Variants in BMPER observed in about 807,000 individuals in gnomAD.
BMPER encodes BMP-binding endothelial regulator protein.
In BMPER, 45 loss-of-function variants were observed where a neutral mutation model predicts 87.3. The ratio of observed to expected loss-of-function variants is 0.52; its 90% CI spans 0.41 to 0.66. The LOEUF is 0.66. Ranked by LOEUF, BMPER falls within the 30% of genes least tolerant of loss-of-function variation. The pLI is 0.00. For synonymous variants in BMPER, 326 were observed against 316.2 expected, an observed-to-expected ratio of 1.03 and a Z score of -0.33; for missense variants, 784 against 867.5, an observed-to-expected ratio of 0.90 and a Z score of 1.21.
intron 6 of BMPER, among the ~76,000 whole-genome samples, chr7:33,992,101 G>A (rs1479497803): frequency 1.3e-5 from 2 of 152,018 alleles, no homozygotes; most frequent in Non-Finnish European, 2.9e-5. Context: ...CTGTTGATTT[G>A]GGGTGGAGAG....
chr7:34,088,392 T>C (rs937961978), intron 13 of BMPER, among the ~76,000 whole-genome samples: 7 of 152,174 alleles, frequency 4.6e-5, no homozygotes, highest in African/African-American at 1.7e-4. Context: ...CAGATCCTGT[T>C]TCTCCCCCTT....
chr7:33,963,747 C>T (rs1021877473), intron 3 of BMPER, among the ~76,000 whole-genome samples: 3 of 152,172 alleles, frequency 2.0e-5, no homozygotes, highest in African/African-American at 4.8e-5. Flanking sequence ...AAGCCAAGAT[C>T]GCGCCATTGC....
At chr7:34,060,702 T>G (rs920812155) in intron 10 of BMPER, among the ~76,000 whole-genome samples, 1 of 152,134 alleles carries the variant, frequency 6.6e-6, no homozygotes, top group African/African-American at 2.4e-5. Context: ...AGTGAGTGAG[T>G]GAATGAGCAG....
intron 6 of BMPER, among the ~76,000 whole-genome samples, chr7:34,000,449 C>T (rs896313543): frequency 3.3e-5 from 5 of 151,628 alleles, no homozygotes; most frequent in Non-Finnish European, 7.4e-5. Flanking sequence ...ATTAAATTTC[C>T]TAGTGTGTAT....
At chr7:34,083,135 C>A (rs1789098290) in intron 12 of BMPER, among the ~76,000 whole-genome samples, 2 of 152,124 alleles carry the variant, frequency 1.3e-5, no homozygotes, top group South Asian at 2.1e-4. Flanking sequence ...ATCAGTGTTA[C>A]CGGGGTAATT....
chr7:34,112,330 TA>T (rs569893879), intron 13 of BMPER, among the ~76,000 whole-genome samples: 1,555 of 151,010 alleles, frequency 0.01, 17 homozygotes, highest in Middle Eastern at 0.034. Flanking sequence ...CCGTATCTAC[TA>T]AAAAAATACA....
intron 13 of BMPER, among the ~76,000 whole-genome samples, chr7:34,106,332 C>T (rs1789816904): frequency 6.6e-6 from 1 of 152,200 alleles, no homozygotes; most frequent in Non-Finnish European, 1.5e-5. Context: ...TATCACTTTT[C>T]TTCCATTTGC....
intron 14 of BMPER, among the ~76,000 whole-genome samples, chr7:34,145,458 C>T (rs1376653619): frequency 6.6e-6 from 1 of 152,144 alleles, no homozygotes; most frequent in African/African-American, 2.4e-5. Context: ...AAATAATTCA[C>T]TTAAGGTGTG....
chr7:33,931,747 C>G (rs1036479646), intron 2 of BMPER, among the ~76,000 whole-genome samples: 1 of 152,188 alleles, frequency 6.6e-6, no homozygotes, highest in Non-Finnish European at 1.5e-5. Context: ...AACAAGACAT[C>G]CATATTCCTA....
chr7:33,959,459 A>T (rs1474583891), intron 3 of BMPER, among the ~76,000 whole-genome samples: 2 of 152,162 alleles, frequency 1.3e-5, no homozygotes, highest in East Asian at 3.9e-4. Flanking sequence ...AGCTCAACTT[A>T]GTTCTTCCTT....
chr7:34,041,022 G>A (rs556600111), intron 6 of BMPER, among the ~76,000 whole-genome samples: 7 of 152,290 alleles, frequency 4.6e-5, no homozygotes, highest in African/African-American at 1.4e-4. Flanking sequence ...CACAAGAGAC[G>A]TCTAGAAGGA....
intron 6 of BMPER, among the ~76,000 whole-genome samples, chr7:33,999,018 C>T (rs1448090209): frequency 6.6e-6 from 1 of 152,230 alleles, no homozygotes; most frequent in East Asian, 1.9e-4. Context: ...CCCTGCCCGC[C>T]TGCTCTGAGC....
At chr7:34,115,341 T>G (rs1790085470) in intron 13 of BMPER, among the ~76,000 whole-genome samples, 2 of 152,246 alleles carry the variant, frequency 1.3e-5, no homozygotes, top group Non-Finnish European at 2.9e-5. Flanking sequence ...GTTATTTAGA[T>G]ATAGTTCACA....
chr7:33,995,838 CA>C (rs1167575654), intron 6 of BMPER, among the ~76,000 whole-genome samples: 2 of 152,214 alleles, frequency 1.3e-5, no homozygotes, highest in African/African-American at 4.8e-5. Context: ...GGCCACCTCA[CA>C]AGTTCCATAT....
At chr7:33,966,072 C>G (rs1349743543) in intron 3 of BMPER, among the ~76,000 whole-genome samples, 2 of 152,082 alleles carry the variant, frequency 1.3e-5, no homozygotes, top group African/African-American at 2.4e-5. Flanking sequence ...CTTTTATTTT[C>G]TATCATGTTT....
intron 3 of BMPER, among the ~76,000 whole-genome samples, chr7:33,954,898 A>G (rs1785113843): frequency 6.6e-6 from 1 of 151,972 alleles, no homozygotes; most frequent in Non-Finnish European, 1.5e-5. Flanking sequence ...GGCCTTTATC[A>G]ATTTTTTTAT....
At chr7:34,126,933 C>T (rs942960910) in intron 13 of BMPER, among the ~76,000 whole-genome samples, 1 of 152,160 alleles carries the variant, frequency 6.6e-6, no homozygotes, top group Non-Finnish European at 1.5e-5. Context: ...CTTTATAAAA[C>T]AGCAGACAGC....
Position 34,153,548 on chromosome 7 carries a change from G to A in BMPER, c.*275G>A. ...AACATGTTGTATAAATACACCAGGT[G>A]TTTTTAATTTAATAAGGTGGCATGC... On this transcript the variant is annotated 3_prime_UTR_variant, in exon 15 of 15. Coordinates refer to ENST00000649409, the MANE Select transcript of BMPER (RefSeq NM_001365308.1). The A allele has an allele frequency of 2.7e-6, 1 of 372,248 alleles. No homozygotes were observed. Among genetic ancestry groups the A allele is most frequent in the East Asian group, 5.1e-5 (1 of 19,512 alleles). 23.1% of individuals were successfully genotyped at this position (372,248 alleles called of 1,614,324 possible). A position where few individuals can be genotyped will look rare whatever the true frequency, so the allele number is the denominator to read the frequency against.
intron 13 of BMPER, among the ~76,000 whole-genome samples, chr7:34,092,125 A>G (rs1200765112): frequency 1.3e-5 from 2 of 152,164 alleles, no homozygotes; most frequent in South Asian, 2.1e-4. Context: ...ACAATTAGAC[A>G]CTTACAGTCA....
Sources: gnomAD v4.1 joint callset for allele counts (sites outside exome capture counted in the v4.1 genomes callset) on GRCh38, gnomAD v4.1.1 for gene constraint, MANE v1.5 for transcripts, NCBI Gene and HGNC (gene_info 2026-07-23, HGNC 2026-07-21) for gene names.